Variants in ELP4 observed in about 807,000 individuals in gnomAD.
ELP4 encodes the protein elongator complex protein 4.
Under a neutral mutation model 48.9 loss-of-function variants are expected in ELP4, and 51 were observed. That is an observed-to-expected ratio of 1.04 (90% confidence interval 0.83 to 1.32). The LOEUF (loss-of-function observed/expected upper bound fraction) is 1.32, where lower values mean the gene tolerates loss of function less well. Among genes scored for constraint, ELP4 ranks in the 40% most tolerant of loss-of-function variants. The pLI, the probability that ELP4 is intolerant of heterozygous loss-of-function variation, is 0.00. For synonymous variants in ELP4, 210 were observed against 189.2 expected (o/e 1.11, Z -0.90); for missense variants, 519 against 514.6 (o/e 1.01, Z -0.08).
rs539955977 is a variant in ELP4, at chr11:31,550,333, A to C, written c.381+10550A>C. On this transcript the variant is annotated intron_variant, in intron 3 of 9. Coordinates refer to ENST00000640961, the MANE Select transcript of ELP4 (RefSeq NM_019040.5). The stretch of plus-strand genomic sequence containing the variant: ...GCAGAATTTGGCGCATGATGGATAT[A>C]TTTTTTGTCTTGATTGTATTAATGG... Among the ~76,000 whole-genome samples the C allele has an allele frequency of 1.2e-4, 19 of 152,154 alleles. No homozygotes were observed. The East Asian group carries it at 3.5e-3, about 28-fold the overall frequency.
chr11:31,654,942 C>T (rs1244120341), intron 9 of ELP4: 3 of 151,502 alleles, frequency 2.0e-5, no homozygotes, highest in Non-Finnish European at 4.4e-5. Flanking sequence ...GCCTGTAGTC[C>T]AATATACTAC....
chr11:31,608,223 G>A (rs1048838871), intron 5 of ELP4, among the ~76,000 whole-genome samples: 1 of 151,994 alleles, frequency 6.6e-6, no homozygotes, highest in African/African-American at 2.4e-5. Flanking sequence ...CCGTATAGTG[G>A]GTGGTGTTGG....
At chr11:31,705,326 C>G (rs182250604) in intron 9 of ELP4, among the ~76,000 whole-genome samples, 1 of 152,074 alleles carries the variant, frequency 6.6e-6, no homozygotes, top group South Asian at 2.1e-4. Context: ...GGGGCCCCAC[C>G]CTGATGACCT....
Position 31,788,241 on chromosome 11 carries a change from G to A in ELP4, c.*4717G>A, listed in dbSNP as rs1052249744. On this transcript the variant is annotated 3_prime_UTR_variant, in exon 10 of 10. Coordinates refer to ENST00000640961, the MANE Select transcript of ELP4 (RefSeq NM_019040.5). Reference sequence around the variant, plus strand: ...CTGCTTCATAGATTTGGGAATGTTTGGCTTAAGCTGCCAATGACTGAAGGC... The same window carrying A: ...CTGCTTCATAGATTTGGGAATGTTTAGCTTAAGCTGCCAATGACTGAAGGC... 4.4e-6 allele frequency: 1 copy of A among 226,690 alleles called. No homozygotes were observed. The allele number at this position is 226,690 out of a possible 1,614,324, so 14.0% of individuals were successfully genotyped here.
At chr11:31,610,882 A>G (rs1015538807) in intron 5 of ELP4, among the ~76,000 whole-genome samples, 2 of 152,100 alleles carry the variant, frequency 1.3e-5, no homozygotes, top group East Asian at 1.9e-4. Context: ...GTTTATGTAT[A>G]TCCTTCCAGA....
At chr11:31,700,397 T>C (rs1946495656) in intron 9 of ELP4, among the ~76,000 whole-genome samples, 1 of 152,024 alleles carries the variant, frequency 6.6e-6, no homozygotes, top group South Asian at 2.1e-4. Flanking sequence ...TCATAAACAT[T>C]AATATTTATG....
intron 3 of ELP4, among the ~76,000 whole-genome samples, chr11:31,583,041 C>T (rs983015972): frequency 1.3e-5 from 2 of 152,138 alleles, no homozygotes; most frequent in African/African-American, 4.8e-5. Context: ...TTTGAACTTT[C>T]CATTTCTCTT....
intron 9 of ELP4, among the ~76,000 whole-genome samples, chr11:31,738,835 T>A (rs907135758): frequency 7.2e-5 from 11 of 152,076 alleles, no homozygotes; most frequent in African/African-American, 2.7e-4. Flanking sequence ...AAGGCAAATA[T>A]TGCATGATTC....
chr11:31,694,145 G>A (rs2134144082), intron 9 of ELP4, among the ~76,000 whole-genome samples: 1 of 152,210 alleles, frequency 6.6e-6, no homozygotes, highest in Non-Finnish European at 1.5e-5. Flanking sequence ...TTCTTTTGCT[G>A]TGCAGAAGTT....
At chr11:31,704,908 G>A (rs896516442) in intron 9 of ELP4, among the ~76,000 whole-genome samples, 1 of 151,758 alleles carries the variant, frequency 6.6e-6, no homozygotes, top group Non-Finnish European at 1.5e-5. Context: ...CTACTTGGGA[G>A]GCTGAAGCAG....
intron 5 of ELP4, among the ~76,000 whole-genome samples, chr11:31,607,661 G>A (rs950504306): frequency 5.9e-5 from 9 of 152,190 alleles, no homozygotes; most frequent in Non-Finnish European, 1.2e-4. Flanking sequence ...CTGATCTGAC[G>A]ATGTTAGTTC....
intron 5 of ELP4, among the ~76,000 whole-genome samples, chr11:31,615,090 T>C (rs1958052421): frequency 6.6e-6 from 1 of 152,050 alleles, no homozygotes; most frequent in South Asian, 2.1e-4. Context: ...AGGAATCATA[T>C]CCTAAATTAT....
chr11:31,770,542 G>A, intron 9 of ELP4, among the ~76,000 whole-genome samples: 2 of 141,640 alleles, frequency 1.4e-5, no homozygotes, highest in Admixed American at 7.3e-5. Flanking sequence ...TCATGTTGGA[G>A]CATTAATGGG....
At chr11:31,528,350 ATAT>A (rs1956333023) in intron 2 of ELP4, among the ~76,000 whole-genome samples, 1 of 152,136 alleles carries the variant, frequency 6.6e-6, no homozygotes, top group East Asian at 1.9e-4. Flanking sequence ...CAATTAAGAA[ATAT>A]TATGATGGAT....
intron 9 of ELP4, chr11:31,682,180 G>A (rs1019348933): frequency 1.0e-5 from 9 of 862,874 alleles, no homozygotes; most frequent in African/African-American, 1.9e-5. Context: ...AGAGATTTAA[G>A]TGAAGAGCTG....
chr11:31,520,121 T>C (rs1402285308), intron 2 of ELP4, 30 bp downstream of exon 2: 5 of 1,586,464 alleles, frequency 3.2e-6, no homozygotes, highest in Non-Finnish European at 4.3e-6. Context: ...TTTGCTCTCC[T>C]CTATCATTGT....
At chr11:31,606,546 G>A (rs1957879208) in intron 5 of ELP4, among the ~76,000 whole-genome samples, 1 of 152,022 alleles carries the variant, frequency 6.6e-6, no homozygotes, top group South Asian at 2.1e-4. Context: ...TAGTAGGTTT[G>A]CCTGTAGAAA....
At chr11:31,605,726 G>C (rs528542593) in intron 5 of ELP4, among the ~76,000 whole-genome samples, 4 of 152,228 alleles carry the variant, frequency 2.6e-5, no homozygotes, top group Admixed American at 2.6e-4. Flanking sequence ...GAGGGGATTA[G>C]CATGTGTCAA....
intron 9 of ELP4, among the ~76,000 whole-genome samples, chr11:31,661,665 G>A (rs1236636592): frequency 3.0e-5 from 3 of 98,494 alleles, no homozygotes; most frequent in Non-Finnish European, 8.3e-5. Flanking sequence ...ATGTAAGAGG[G>A]TGTGACCATT....
Sources: allele counts gnomAD v4.1 joint callset (sites outside exome capture counted in the v4.1 genomes callset), GRCh38; gene constraint gnomAD v4.1.1; transcripts MANE v1.5; gene names NCBI Gene and HGNC (gene_info 2026-07-23, HGNC 2026-07-21).